Variants in KHDRBS2 observed in about 807,000 individuals in gnomAD.
The protein encoded by KHDRBS2 is KH RNA binding domain containing, signal transduction associated 2, also known as KH domain-containing, RNA-binding, signal transduction-associated protein 2.
KHDRBS2 carries 26 observed loss-of-function variants against 44.3 expected under a neutral mutation model. That is an observed-to-expected ratio of 0.59 (90% CI 0.43 to 0.81). The LOEUF is 0.81. KHDRBS2 is among the 40% of genes least tolerant of loss of function. The pLI, the probability that KHDRBS2 is intolerant of heterozygous loss-of-function variation, is 0.00. For synonymous variants in KHDRBS2, 194 were observed against 151.1 expected, an observed-to-expected ratio of 1.28 and a Z score of -2.08; for missense variants, 476 against 433.1, an observed-to-expected ratio of 1.10 and a Z score of -0.88.
the KHDRBS2 span, among the ~76,000 whole-genome samples, chr6:61,667,103 A>T: frequency 1.3e-5 from 2 of 150,688 alleles, no homozygotes; most frequent in Non-Finnish European, 3.0e-5. Context: ...AACTCATTTA[A>T]AAACGTCAAT....
chr6:62,145,540 TG>T (rs766592860), intron 2 of KHDRBS2, among the ~76,000 whole-genome samples: 11,303 of 151,868 alleles, frequency 0.074, 450 homozygotes, highest in African/African-American at 0.086. Context: ...CTTGGACCAA[TG>T]TGATGTTAAA....
intron 2 of KHDRBS2, among the ~76,000 whole-genome samples, chr6:62,097,155 C>T (rs1800792787): frequency 6.6e-6 from 1 of 151,266 alleles, no homozygotes; most frequent in African/African-American, 2.4e-5. Flanking sequence ...TCCATATGAC[C>T]TAACCCGGAG....
chr6:61,849,257 T>G (rs1795095240), intron 6 of KHDRBS2, among the ~76,000 whole-genome samples: 1 of 152,144 alleles, frequency 6.6e-6, no homozygotes, highest in South Asian at 2.1e-4. Context: ...ATAATATCAC[T>G]GGTTCTCTAA....
intron 4 of KHDRBS2, among the ~76,000 whole-genome samples, chr6:61,906,474 C>A (rs1805041812): frequency 6.6e-6 from 1 of 152,014 alleles, no homozygotes; most frequent in African/African-American, 2.4e-5. Flanking sequence ...CATTGTGCTA[C>A]CAAATACTAG....
chr6:62,077,784 ACT>A (rs1562804018), intron 2 of KHDRBS2, among the ~76,000 whole-genome samples: 1 of 152,046 alleles, frequency 6.6e-6, no homozygotes, highest in Non-Finnish European at 1.5e-5. Context: ...CATAGTAGTT[ACT>A]CTGTTAATTA....
intron 4 of KHDRBS2, among the ~76,000 whole-genome samples, chr6:61,960,325 A>T (rs1768367817): frequency 1.3e-5 from 2 of 151,986 alleles, no homozygotes; most frequent in Non-Finnish European, 1.5e-5. Flanking sequence ...GATTTATTTT[A>T]AAAAAATCAT....
At chr6:61,689,848 G>C (rs113114518) in intron 8 of KHDRBS2, among the ~76,000 whole-genome samples, 1 of 152,016 alleles carries the variant, frequency 6.6e-6, no homozygotes, top group East Asian at 2.0e-4. Context: ...CACTGATTGT[G>C]AGTCATATAT....
chr6:62,083,370 G>A (rs907122282), intron 2 of KHDRBS2, among the ~76,000 whole-genome samples: 1 of 152,074 alleles, frequency 6.6e-6, no homozygotes, highest in African/African-American at 2.4e-5. Context: ...CACTTTCACT[G>A]GCAATAAAAT....
At chr6:62,255,875 T>TA (rs2150178158) in intron 1 of KHDRBS2, among the ~76,000 whole-genome samples, 1 of 151,980 alleles carries the variant, frequency 6.6e-6, no homozygotes, top group South Asian at 2.1e-4. Context: ...CTCACACCTG[T>TA]AATCCCAGCA....
chr6:61,745,716 T>G (rs1776763587), intron 6 of KHDRBS2, among the ~76,000 whole-genome samples: 1 of 152,190 alleles, frequency 6.6e-6, no homozygotes, highest in Non-Finnish European at 1.5e-5. Context: ...TCTTACTATA[T>G]TTCTAATCAT....
chr6:61,807,962 G>A (rs1435101331), intron 6 of KHDRBS2, among the ~76,000 whole-genome samples: 1 of 152,090 alleles, frequency 6.6e-6, no homozygotes, highest in Non-Finnish European at 1.5e-5. Flanking sequence ...TAAATCAAGT[G>A]TCATGTTACG....
intron 2 of KHDRBS2, among the ~76,000 whole-genome samples, chr6:62,130,813 T>G (rs553453841): frequency 6.6e-6 from 1 of 152,138 alleles, no homozygotes; most frequent in African/African-American, 2.4e-5. Flanking sequence ...TATTTTATAA[T>G]AGTGTCAAAT....
intron 3 of KHDRBS2, among the ~76,000 whole-genome samples, chr6:62,004,428 A>G (rs1251697541): frequency 1.3e-5 from 2 of 152,184 alleles, no homozygotes; most frequent in Middle Eastern, 3.2e-3. Context: ...TCCTGGAGAC[A>G]TACACCCTCC....
At chr6:61,993,620 C>G (rs1776557249) in intron 3 of KHDRBS2, among the ~76,000 whole-genome samples, 1 of 139,742 alleles carries the variant, frequency 7.2e-6, no homozygotes, top group South Asian at 2.3e-4. Flanking sequence ...AGGGCTACAA[C>G]TGCCCTCTAC....
chr6:61,830,493 T>C (rs1474452656), intron 6 of KHDRBS2, among the ~76,000 whole-genome samples: 1 of 152,260 alleles, frequency 6.6e-6, no homozygotes, highest in Non-Finnish European at 1.5e-5. Context: ...CCTAATGTGA[T>C]AAAGAGAGAT....
chr6:62,173,130 T>C (rs1418913842), intron 2 of KHDRBS2, among the ~76,000 whole-genome samples: 1 of 149,506 alleles, frequency 6.7e-6, no homozygotes, highest in African/African-American at 2.5e-5. Flanking sequence ...AAAACACAAA[T>C]GTTCGCGTCC....
chr6:62,209,931 C>T (rs1299100178), intron 1 of KHDRBS2, among the ~76,000 whole-genome samples: 4 of 152,108 alleles, frequency 2.6e-5, no homozygotes, highest in African/African-American at 9.7e-5. Flanking sequence ...TATTGGCTTC[C>T]CTACTTTTGT....
rs372719448 is a variant in KHDRBS2 at position 62,281,650 on chromosome 6, C to T, written c.91+4208G>A. ...TAAAATAAAATAAATTTTTAAAATA[C>T]GGCTTATGTTATCACAAGCATCACA... On this transcript the variant is annotated intron_variant, in intron 1 of 8. Transcript: ENST00000281156. Among the ~76,000 whole-genome samples, 389 of 152,140 alleles carry T rather than the reference C, an allele frequency of 2.6e-3. 11 individuals carry two copies. In the South Asian group the frequency reaches 0.061, roughly 24 times the overall value.
intron 6 of KHDRBS2, among the ~76,000 whole-genome samples, chr6:61,814,314 A>G (rs909147065): frequency 2.6e-5 from 4 of 152,168 alleles, no homozygotes; most frequent in African/African-American, 9.6e-5. Context: ...AATTAGTTAC[A>G]TTAAAAACTA....
Sources: allele counts gnomAD v4.1 joint callset (sites outside exome capture counted in the v4.1 genomes callset), GRCh38; gene constraint gnomAD v4.1.1; transcripts MANE v1.5; gene names NCBI Gene and HGNC (gene_info 2026-07-23, HGNC 2026-07-21).